Variants in FDXR observed in about 807,000 individuals in gnomAD.
The protein encoded by FDXR is ferredoxin reductase, also known as NADPH:adrenodoxin oxidoreductase, mitochondrial.
FDXR carries 38 observed loss-of-function variants against 58.3 expected under a neutral mutation model. The ratio of observed to expected loss-of-function variants is 0.65; its 90% CI spans 0.50 to 0.85. The LOEUF (loss-of-function observed/expected upper bound fraction) is 0.85, where lower values mean the gene tolerates loss of function less well. FDXR is among the 40% of genes least tolerant of loss of function. The pLI is 0.00. For missense variants in FDXR, 624 were observed against 671.0 expected (o/e 0.93, Z 0.77); for synonymous variants, 275 against 273.8 (o/e 1.00, Z -0.04).
chr17:74,865,917 G>A, intron 5 of FDXR, 97 bp from the exon 6 acceptor site: 3 of 1,038,514 alleles, frequency 2.9e-6, no homozygotes, highest in Non-Finnish European at 4.3e-6. Context: ...CTGTGCCCTG[G>A]GGCTTCCCCA....
At chr17:74,866,654 C>T in intron 3 of FDXR, 86 bp from the exon 4 acceptor site, 2 of 1,600,972 alleles carry the variant, frequency 1.2e-6, no homozygotes, top group Non-Finnish European at 1.7e-6. Flanking sequence ...ACTCTGTGTC[C>T]CCAGGAGGGA....
intron 3 of FDXR, 66 bp downstream of exon 3, chr17:74,866,718 C>A: frequency 6.3e-7 from 1 of 1,587,984 alleles, no homozygotes; most frequent in Non-Finnish European, 8.6e-7. Flanking sequence ...AGCCAGGGAG[C>A]CTCCCTGCCC....
rs754660726 is a variant in FDXR, at chr17:74,865,794, T to C, written c.534A>G (p.Thr178=). 1.9e-6 allele frequency: 3 copies of C among 1,613,664 alleles called. No homozygotes were observed. The highest frequency in any genetic ancestry group is 2.5e-6 in the Non-Finnish European group (3 of 1,179,912). Residue 178 remains threonine, a synonymous_variant, in exon 6 of 12, where the codon ACA becomes ACG. Transcript: ENST00000293195. ...QELEPDLSCD[T]AVILGQGNVA... ...CGTTCCCCTGCCCCAGAATCACGGCTGTGTCACAGCTCAGGTCTGGCTCCA... is the reference window on the plus strand; with the variant it reads ...CGTTCCCCTGCCCCAGAATCACGGCCGTGTCACAGCTCAGGTCTGGCTCCA...
At position 74,864,529 on chromosome 17, in the gene FDXR, C is replaced by A. The variant is rs775819257; in HGVS notation, c.753G>T (p.Arg251=). 2.1e-5 allele frequency: 34 copies of A among 1,613,990 alleles called. No homozygotes were observed. In the Admixed American group the frequency reaches 5.7e-4, roughly 27 times the overall value. ...AGAAATCCACAGGATCCAAAATGGGCCGGGCTCCCGGTAACTGAATCATCT... is the reference window on the plus strand; with the variant it reads ...AGAAATCCACAGGATCCAAAATGGGACGGGCTCCCGGTAACTGAATCATCT... ...LREMIQLPGA[R]PILDPVDFLG... is the part of the protein sequence containing the mutation. Residue 251 remains arginine (R), a synonymous_variant, in exon 8 of 12, where the codon CGG becomes CGT. Transcript: ENST00000293195.
chr17:74,868,557 A>G (rs1339613178), intron 2 of FDXR: 2 of 1,534,074 alleles, frequency 1.3e-6, no homozygotes, highest in African/African-American at 2.7e-5. Flanking sequence ...CTCTGTCCTT[A>G]TCTTCCATTC....
chr17:74,868,828 C>A, intron 2 of FDXR: 1 of 1,276,168 alleles, frequency 7.8e-7, no homozygotes, highest in Non-Finnish European at 1.0e-6. Flanking sequence ...CCAAATTCCC[C>A]TGAACTTGCT....
chr17:74,866,891 G>A lies in FDXR; in HGVS notation c.178-15C>T. ...GCCTGGGGGTGCTGCTGGGGAACAG[G>A]GTGGCAGCTGGTGGGGCCGAGAGAG... On this transcript the variant is annotated splice_polypyrimidine_tract_variant and intron_variant, in intron 2 of 11. Transcript: ENST00000293195. 5 of 1,611,870 alleles carry A rather than the reference G, an allele frequency of 3.1e-6. No individual in the cohort carries two copies. Among genetic ancestry groups the A allele is most frequent in the Non-Finnish European group, 4.2e-6 (5 of 1,178,996 alleles).
At chr17:74,865,253 CT>C (rs1489188400) in intron 6 of FDXR, among the ~76,000 whole-genome samples, 2 of 152,110 alleles carry the variant, frequency 1.3e-5, no homozygotes, top group African/African-American at 4.8e-5. Context: ...AGCTTGTGAT[CT>C]GCTGGGGAGA....
chr17:74,872,634 C>T, intron 1 of FDXR: 1 of 929,364 alleles, frequency 1.1e-6, no homozygotes, highest in Non-Finnish European at 1.6e-6. Context: ...ACCTGTAGAT[C>T]TCAAAGTCTC....
chr17:74,867,761 G>C (rs893729868), intron 2 of FDXR, among the ~76,000 whole-genome samples: 1 of 152,080 alleles, frequency 6.6e-6, no homozygotes, highest in African/African-American at 2.4e-5. Context: ...AGGCAAGTCT[G>C]GTATGGCTCT....
chr17:74,863,435 G>A (rs1378918922), intron 10 of FDXR, among the ~76,000 whole-genome samples, 189 bp from the exon 11 acceptor site: 1 of 152,190 alleles, frequency 6.6e-6, no homozygotes, highest in Non-Finnish European at 1.5e-5. Flanking sequence ...TTACCAGGCC[G>A]ACCCCCTTAC....
At chr17:74,872,802 C>T (rs1396334536) in intron 1 of FDXR, 64 bp downstream of exon 1, 45 of 1,540,464 alleles carry the variant, frequency 2.9e-5, no homozygotes, top group Non-Finnish European at 3.8e-5. Context: ...CTGCTCCGAC[C>T]CCTACTCAGC....
chr17:74,868,147 C>T (rs934963079), intron 2 of FDXR: 2 of 271,402 alleles, frequency 7.4e-6, no homozygotes, highest in South Asian at 7.3e-5. Context: ...CACCCTCCCC[C>T]ACCTCCTGCC....
chr17:74,867,306 C>CAAAAAAAA (rs56079045), intron 2 of FDXR, among the ~76,000 whole-genome samples: 4 of 16,542 alleles, frequency 2.4e-4, no homozygotes, highest in African/African-American at 5.8e-4. Context: ...GACTCTGTCT[C>CAAAAAAAA]AAAAAAAAAA....
Position 74,864,173 on chromosome 17 carries a change from A to G in FDXR, c.977T>C (p.Val326Ala). Residue 326 changes from valine (V) to alanine (A), a missense_variant, in exon 9 of 12, where the codon GTC (valine) becomes GCC (alanine). Physicochemically the swap from Val to Ala is moderately conservative, Grantham distance 64 (BLOSUM62 0). Coordinates refer to ENST00000293195, the MANE Select transcript of FDXR (RefSeq NM_024417.5). ...CTCCAGTCTAGTGACTGCTAGGCGG[A>G]CACCTGCTGCCCGCCGCCCATCTGG... ...PSPDGRRAAGVRLAVTRLEGV... is the reference protein window; with the variant it reads ...PSPDGRRAAGARLAVTRLEGV... 6.2e-7 allele frequency: 1 copy of G among 1,612,666 alleles called. No individual in the cohort carries two copies. Among genetic ancestry groups the G allele is most frequent in the South Asian group, 1.1e-5 (1 of 91,086 alleles).
intron 7 of FDXR, 70 bp downstream of exon 7, chr17:74,864,754 C>T: frequency 6.2e-7 from 1 of 1,600,080 alleles, no homozygotes; most frequent in Non-Finnish European, 8.5e-7. Flanking sequence ...GGGCTCTGCC[C>T]CACCCCAACC....
At chr17:74,867,306 CAAAAAAAA>C (rs56079045) in intron 2 of FDXR, among the ~76,000 whole-genome samples, 2 of 16,526 alleles carry the variant, frequency 1.2e-4, no homozygotes, top group South Asian at 2.6e-3. Flanking sequence ...GACTCTGTCT[CAAAAAAAA>C]AAAAAAAAAA....
At chr17:74,868,488 G>T in intron 2 of FDXR, 1 of 1,163,718 alleles carries the variant, frequency 8.6e-7, no homozygotes, top group Non-Finnish European at 1.2e-6. Context: ...GGGGCCCAGT[G>T]CCACAGCATA....
chr17:74,871,434 CCT>C (rs1424108014), intron 2 of FDXR, among the ~76,000 whole-genome samples: 1 of 152,242 alleles, frequency 6.6e-6, no homozygotes, highest in African/African-American at 2.4e-5. Flanking sequence ...CTGGGTATCC[CCT>C]CTCTACTCTG....
Sources: gnomAD v4.1 joint callset for allele counts (sites outside exome capture counted in the v4.1 genomes callset) on GRCh38, gnomAD v4.1.1 for gene constraint, MANE v1.5 for transcripts, NCBI Gene and HGNC (gene_info 2026-07-23, HGNC 2026-07-21) for gene names.